Variants in ESF1 observed in about 807,000 individuals in gnomAD.
ESF1 encodes the protein ESF1 nucleolar pre-rRNA processing protein.
ESF1 carries 58 observed loss-of-function variants against 92.0 expected under a neutral mutation model. That is an observed-to-expected ratio of 0.63 (90% CI 0.51 to 0.78). The LOEUF (loss-of-function observed/expected upper bound fraction) is 0.78, where lower values mean the gene tolerates loss of function less well. ESF1 is among the 30% of genes least tolerant of loss of function. ESF1 has a pLI of 0.00. For synonymous variants in ESF1, 321 were observed against 313.7 expected, an observed-to-expected ratio of 1.02 and a Z score of -0.24; for missense variants, 922 against 989.1, an observed-to-expected ratio of 0.93 and a Z score of 0.91.
At chr20:13,722,864 G>C (rs1017880436) in intron 11 of ESF1, among the ~76,000 whole-genome samples, 3 of 143,138 alleles carry the variant, frequency 2.1e-5, no homozygotes, top group African/African-American at 7.7e-5. Context: ...AAAAAAAGAA[G>C]AAAAAAAAAA....
chr20:13,761,763 A>G (rs1469461311), intron 8 of ESF1, among the ~76,000 whole-genome samples: 1 of 152,254 alleles, frequency 6.6e-6, no homozygotes, highest in African/African-American at 2.4e-5. Flanking sequence ...ACAAAGAAAC[A>G]TTATAAAATT....
chr20:13,783,882 C>G (rs1003676638), intron 1 of ESF1, among the ~76,000 whole-genome samples: 3 of 152,206 alleles, frequency 2.0e-5, no homozygotes, highest in Admixed American at 2.0e-4. Context: ...ACATTCTGGT[C>G]TCATTCTGCT....
rs1233715318 is a variant in ESF1, at chr20:13,782,516, CTCT to C, written c.622_624del (p.Arg208del). The stretch of plus-strand genomic sequence containing the variant: ...TTTTCCAACCTACCTGATTGCATTT[CTCT>C]TCTTGTCTTAGAACACTCGATTCTG... On this transcript the variant is annotated inframe_deletion, in exon 2 of 14. Transcript: ENST00000617257. 1 of 1,511,346 alleles carries C rather than the reference CTCT, an allele frequency of 6.6e-7. No individual in the cohort carries two copies. The highest frequency in any genetic ancestry group is 8.8e-7 in the Non-Finnish European group (1 of 1,137,720). 93.6% of individuals were successfully genotyped at this position (1,511,346 alleles called of 1,614,324 possible). A position where few individuals can be genotyped will look rare whatever the true frequency, so the allele number is the denominator to read the frequency against.
intron 9 of ESF1, among the ~76,000 whole-genome samples, chr20:13,745,338 T>C (rs989837648): frequency 1.3e-5 from 2 of 152,150 alleles, no homozygotes; most frequent in East Asian, 1.9e-4. Context: ...TAATGAGCAA[T>C]AGAACAGATA....
chr20:13,749,089 G>A (rs1274201532), intron 9 of ESF1, among the ~76,000 whole-genome samples: 2 of 151,544 alleles, frequency 1.3e-5, no homozygotes, highest in African/African-American at 4.9e-5. Context: ...TTTTTGAGAT[G>A]GAGTCTTGCT....
intron 9 of ESF1, among the ~76,000 whole-genome samples, chr20:13,748,469 C>T (rs6042339): frequency 1.8e-3 from 123 of 70,268 alleles, no homozygotes; most frequent in African/African-American, 6.7e-3. Flanking sequence ...CATATATACA[C>T]ATATATACAC....
At chr20:13,731,882 T>C (rs1202239657) in intron 10 of ESF1, among the ~76,000 whole-genome samples, 3 of 152,238 alleles carry the variant, frequency 2.0e-5, no homozygotes, top group Non-Finnish European at 4.4e-5. Flanking sequence ...AGCTTCTGGA[T>C]AGCTGGACAC....
chr20:13,717,409 G>C lies in ESF1; in HGVS notation c.2221C>G (p.Gln741Glu). 1 of 1,614,038 alleles carries C rather than the reference G, an allele frequency of 6.2e-7. No individual in the cohort carries two copies. Among genetic ancestry groups the C allele is most frequent in the Non-Finnish European group, 8.5e-7 (1 of 1,180,002 alleles). The change falls in exon 13 of 14, where the codon CAG becomes GAG. Residue 741 changes from glutamine to glutamate, a missense_variant. Gln to Glu is a conservative substitution (Grantham distance 29). Transcript: ENST00000617257. ...ATTAATTCCTTCTTTTTCATGAGCT[G>C]CTTTTTCTTCTTTTTGCTCAGATTC... is the stretch of plus-strand genomic sequence containing the variant. ...HQNLSKKKKK[Q>E]LMKKKELIED... is the part of the protein sequence containing the mutation.
At chr20:13,725,367 A>G (rs887167212) in intron 11 of ESF1, among the ~76,000 whole-genome samples, 5 of 152,250 alleles carry the variant, frequency 3.3e-5, no homozygotes, top group East Asian at 1.9e-4. Flanking sequence ...CTAAAAGCTC[A>G]TATCTTTAAA....
chr20:13,734,463 T>C (rs1382613024), intron 9 of ESF1, among the ~76,000 whole-genome samples: 3 of 152,168 alleles, frequency 2.0e-5, no homozygotes. Context: ...TTTCATCATA[T>C]GGTTTAGCTC....
chr20:13,733,840 G>T lies in ESF1; in HGVS notation c.1831C>A (p.Leu611Ile). Residue 611 changes from leucine to isoleucine, a missense_variant and splice_region_variant, in exon 10 of 14, where the codon CTT becomes ATT. Leu to Ile is a conservative substitution (Grantham distance 5). Transcript: ENST00000617257. ...ACCATCTCTTCTGCACTTTCTTTAA[G>T]ACCTGAGGAAAAATCCAAATAGTTT... ...MEMEIKWVPG[L>I]KESAEEMVKN... 1 of 1,599,228 alleles carries T rather than the reference G, an allele frequency of 6.3e-7. No individual in the cohort carries two copies. Among genetic ancestry groups the T allele is most frequent in the South Asian group, 1.1e-5 (1 of 87,092 alleles).
intron 9 of ESF1, among the ~76,000 whole-genome samples, chr20:13,746,320 A>C (rs1344015096): frequency 6.6e-6 from 1 of 152,162 alleles, no homozygotes; most frequent in Non-Finnish European, 1.5e-5. Flanking sequence ...ATATATACAC[A>C]CATAGTATTT....
chr20:13,761,599 C>A (rs1047877552), intron 8 of ESF1, among the ~76,000 whole-genome samples: 17 of 152,006 alleles, frequency 1.1e-4, no homozygotes, highest in Non-Finnish European at 2.4e-4. Context: ...CCTAAGAATA[C>A]TGGAACCTTT....
At chr20:13,768,121 T>C (rs547470569) in intron 7 of ESF1, among the ~76,000 whole-genome samples, 1 of 152,230 alleles carries the variant, frequency 6.6e-6, no homozygotes, top group African/African-American at 2.4e-5. Context: ...CTTTGCTTAC[T>C]ATGTAATGGT....
At chr20:13,772,889 T>C (rs1226067457) in intron 4 of ESF1, among the ~76,000 whole-genome samples, 2 of 151,878 alleles carry the variant, frequency 1.3e-5, no homozygotes, top group Non-Finnish European at 2.9e-5. Context: ...GGTTCCGAGA[T>C]CCAAACGAAA....
At position 13,776,199 on chromosome 20, in the gene ESF1, C is replaced by G. The variant is rs761656816; in HGVS notation, c.709G>C (p.Asp237His). The G allele has an allele frequency of 1.9e-6, 3 of 1,613,722 alleles. No homozygotes were observed. The African/African-American group carries it at 4.0e-5, about 22-fold the overall frequency. Residue 237 changes from aspartate (D) to histidine (H), a missense_variant, in exon 3 of 14, where the codon GAT becomes CAT. Coordinates refer to ENST00000617257, the MANE Select transcript of ESF1 (RefSeq NM_001276380.2). ...NSTDGEMCDK[D>H]ALEEDSESVS... is the part of the protein sequence containing the mutation. ...CTTTCTGAATCTTCCTCCAGAGCAT[C>G]TTTGTCACACATTTCACCATCTGTT...
intron 8 of ESF1, among the ~76,000 whole-genome samples, chr20:13,760,637 G>A (rs541170619): frequency 7.9e-5 from 12 of 151,898 alleles, no homozygotes; most frequent in South Asian, 2.1e-4. Flanking sequence ...GTCTCCGCCC[G>A]GCAGCCGCCC....
chr20:13,720,787 A>G (rs1176986891), intron 11 of ESF1, among the ~76,000 whole-genome samples: 1 of 152,230 alleles, frequency 6.6e-6, no homozygotes, highest in African/African-American at 2.4e-5. Context: ...TCACTGTATT[A>G]TTCTCTCAAT....
intron 2 of ESF1, 70 bp downstream of exon 2, chr20:13,782,434 A>G (rs554402038): frequency 7.8e-7 from 1 of 1,289,010 alleles, no homozygotes; most frequent in East Asian, 2.6e-5. Flanking sequence ...TAATGTGTTT[A>G]CATTTTTGAA....
Sources: gnomAD v4.1 joint callset for allele counts (sites outside exome capture counted in the v4.1 genomes callset) on GRCh38, gnomAD v4.1.1 for gene constraint, MANE v1.5 for transcripts, NCBI Gene and HGNC (gene_info 2026-07-23, HGNC 2026-07-21) for gene names.